The following OTUD7B variants were observed in gnomAD, a reference collection of about 807,000 sequenced individuals.
The protein encoded by OTUD7B is OTU deubiquitinase 7B.
A neutral mutation model predicts 82.2 loss-of-function variants in OTUD7B; 34 were observed. The ratio of observed to expected loss-of-function variants is 0.41; its 90% CI spans 0.31 to 0.55. The LOEUF (loss-of-function observed/expected upper bound fraction) is 0.55, where lower values mean the gene tolerates loss of function less well. Ranked by LOEUF, OTUD7B falls within the 20% of genes least tolerant of loss-of-function variation. OTUD7B has a pLI of 0.20. For synonymous variants in OTUD7B, 398 were observed against 402.7 expected, an observed-to-expected ratio of 0.99 and a Z score of 0.14; for missense variants, 944 against 1,062.1, an observed-to-expected ratio of 0.89 and a Z score of 1.55.
At chr1:149,999,606 A>G (rs1553784202) in intron 1 of OTUD7B, among the ~76,000 whole-genome samples, 1 of 152,116 alleles carries the variant, frequency 6.6e-6, no homozygotes, top group Non-Finnish European at 1.5e-5. Flanking sequence ...GCACACACCT[A>G]TAGTCCCAGC....
At chr1:149,992,503 T>C (rs1651660885) in intron 1 of OTUD7B, among the ~76,000 whole-genome samples, 1 of 83,102 alleles carries the variant, frequency 1.2e-5, no homozygotes. Context: ...TAGTACAGAG[T>C]CTCACTCTGT....
intron 1 of OTUD7B, among the ~76,000 whole-genome samples, chr1:149,980,428 C>T (rs1004859752): frequency 1.3e-5 from 2 of 151,946 alleles, no homozygotes; most frequent in Admixed American, 1.3e-4. Flanking sequence ...ATGATTAAAA[C>T]ACAGTGTTTG....
chr1:150,002,855 G>A (rs1652385387), intron 1 of OTUD7B, among the ~76,000 whole-genome samples: 1 of 152,150 alleles, frequency 6.6e-6, no homozygotes, highest in South Asian at 2.1e-4. Context: ...GTTATTGAAA[G>A]GAATTCTGCT....
the OTUD7B span, among the ~76,000 whole-genome samples, chr1:150,020,386 A>T: frequency 3.9e-5 from 6 of 151,996 alleles, no homozygotes; most frequent in Admixed American, 3.3e-4. Flanking sequence ...AAATACAAAG[A>T]ATTAGCCAGG....
the OTUD7B span, among the ~76,000 whole-genome samples, chr1:150,016,960 C>T: frequency 4.6e-5 from 7 of 152,142 alleles, no homozygotes; most frequent in African/African-American, 7.2e-5. Flanking sequence ...GAGTTCAAGG[C>T]CCAATCTGTA....
At chr1:149,995,211 T>G (rs1216399802) in intron 1 of OTUD7B, among the ~76,000 whole-genome samples, 1 of 152,206 alleles carries the variant, frequency 6.6e-6, no homozygotes, top group Non-Finnish European at 1.5e-5. Context: ...CTCGCTAACC[T>G]CATCAACTAT....
the OTUD7B span, among the ~76,000 whole-genome samples, chr1:150,019,643 G>A: frequency 6.6e-6 from 1 of 152,142 alleles, no homozygotes; most frequent in Non-Finnish European, 1.5e-5. Flanking sequence ...ACAGGTGTGA[G>A]CCACTGGCGC....
chr1:150,035,140 A>G, the OTUD7B span, among the ~76,000 whole-genome samples: 39,187 of 72,316 alleles, frequency 0.54, 7,742 homozygotes, highest in African/African-American at 0.68. Flanking sequence ...GCGAAACTTC[A>G]TCTCAAAAAA....
chr1:149,971,856 T>C (rs10494260), intron 2 of OTUD7B, among the ~76,000 whole-genome samples: 21,824 of 152,240 alleles, frequency 0.14, 2,068 homozygotes, highest in East Asian at 0.34. Context: ...TTCTGATGCT[T>C]TCTCCAGCTA....
At chr1:150,051,229 C>CAAAAAAA in the OTUD7B span, among the ~76,000 whole-genome samples, 1 of 97,002 alleles carries the variant, frequency 1.0e-5, no homozygotes, top group African/African-American at 4.1e-5. Flanking sequence ...GACTTCGCCT[C>CAAAAAAA]AAAAAAAAAA....
chr1:150,033,099 C>T, the OTUD7B span, among the ~76,000 whole-genome samples: 3 of 152,078 alleles, frequency 2.0e-5, no homozygotes, highest in Admixed American at 6.5e-5. Flanking sequence ...CTGGGAAGAA[C>T]ATCTATAAAT....
At chr1:150,048,655 G>C in the OTUD7B span, 1 of 151,890 alleles carries the variant, frequency 6.6e-6, no homozygotes, top group Non-Finnish European at 1.5e-5. Context: ...CACCAGCCTG[G>C]GGAAGAGAGT....
chr1:149,990,195 TTTA>T (rs1553781693), intron 1 of OTUD7B, among the ~76,000 whole-genome samples: 2 of 152,226 alleles, frequency 1.3e-5, no homozygotes, highest in Non-Finnish European at 2.9e-5. Context: ...AAGCAACCAG[TTTA>T]CCCAGGTGGG....
the OTUD7B span, among the ~76,000 whole-genome samples, chr1:150,051,427 C>T: frequency 0.15 from 22,696 of 151,430 alleles, 1,868 homozygotes; most frequent in African/African-American, 0.18. Flanking sequence ...CTTTTTTTGT[C>T]CTGTCCATGT....
the OTUD7B span, among the ~76,000 whole-genome samples, chr1:150,037,997 G>A: frequency 6.6e-6 from 1 of 151,674 alleles, no homozygotes; most frequent in South Asian, 2.1e-4. Context: ...AAGTAGTTGG[G>A]ACTACAGGCA....
the OTUD7B span, among the ~76,000 whole-genome samples, chr1:150,046,339 G>A: frequency 6.6e-6 from 1 of 151,868 alleles, no homozygotes; most frequent in African/African-American, 2.4e-5. Flanking sequence ...CATCTGGGTT[G>A]TTGTAAAGCC....
chr1:150,019,993 A>G, the OTUD7B span, among the ~76,000 whole-genome samples: 1 of 152,104 alleles, frequency 6.6e-6, no homozygotes, highest in Non-Finnish European at 1.5e-5. Flanking sequence ...AAAATTAGCC[A>G]GGTATGTGCC....
chr1:150,067,546 T>C, the OTUD7B span: 1 of 342,382 alleles, frequency 2.9e-6, no homozygotes, highest in Admixed American at 4.7e-5. Flanking sequence ...CCGCTGGGCC[T>C]CCAGCACCAA....
At chr1:150,031,348 T>C in the OTUD7B span, among the ~76,000 whole-genome samples, 3 of 152,172 alleles carry the variant, frequency 2.0e-5, no homozygotes, top group Non-Finnish European at 2.9e-5. Context: ...ACAGAGCCTG[T>C]TACTTTCCCT....
Sources: allele counts gnomAD v4.1 joint callset (sites outside exome capture counted in the v4.1 genomes callset), GRCh38; gene constraint gnomAD v4.1.1; transcripts MANE v1.5; gene names NCBI Gene and HGNC (gene_info 2026-07-23, HGNC 2026-07-21).